The following NEO1 variants were observed in gnomAD, a reference collection of about 807,000 sequenced individuals.
The protein encoded by NEO1 is neogenin.
Under a neutral mutation model 159.7 loss-of-function variants are expected in NEO1, and 63 were observed. The ratio of observed to expected loss-of-function variants is 0.39; its 90% CI spans 0.32 to 0.49. NEO1 has a LOEUF of 0.49. Ranked by LOEUF, NEO1 falls within the 20% of genes least tolerant of loss-of-function variation. The probability of loss-of-function intolerance (pLI) is 0.85; values close to 1 mark genes in which losing one functional copy is unlikely to be tolerated. For missense variants in NEO1, 1,615 were observed against 1,831.0 expected (o/e 0.88, Z 2.15); for synonymous variants, 633 against 662.0 (o/e 0.96, Z 0.67).
intron 5 of NEO1, among the ~76,000 whole-genome samples, chr15:73,166,205 C>G (rs2034559776): frequency 6.6e-6 from 1 of 152,154 alleles, no homozygotes; most frequent in African/African-American, 2.4e-5. Context: ...CAGAAAATAG[C>G]AAGTGTTGGT....
chr15:73,163,379 C>G (rs2034328449), intron 5 of NEO1, among the ~76,000 whole-genome samples: 1 of 152,146 alleles, frequency 6.6e-6, no homozygotes, highest in Non-Finnish European at 1.5e-5. Flanking sequence ...TGCCCCTTCC[C>G]CATTCCCACC....
chr15:73,178,574 T>G (rs1158905793), intron 7 of NEO1, 147 bp downstream of exon 7: 1 of 860,298 alleles, frequency 1.2e-6, no homozygotes, highest in Non-Finnish European at 1.6e-6. Context: ...GTCTAAATCA[T>G]TTCTATTACA....
At chr15:73,129,933 G>A (rs557253130) in intron 4 of NEO1, among the ~76,000 whole-genome samples, 1 of 152,308 alleles carries the variant, frequency 6.6e-6, no homozygotes, top group South Asian at 2.1e-4. Context: ...GAAAGGTAGA[G>A]AGAGAAAGAC....
At chr15:73,144,445 C>G (rs1465254842) in intron 5 of NEO1, among the ~76,000 whole-genome samples, 2 of 152,092 alleles carry the variant, frequency 1.3e-5, no homozygotes. Flanking sequence ...GTCTTTAATC[C>G]CAACTCCATG....
intron 4 of NEO1, among the ~76,000 whole-genome samples, chr15:73,131,061 C>A (rs1249839529): frequency 2.6e-5 from 4 of 152,216 alleles, no homozygotes; most frequent in East Asian, 1.9e-4. Context: ...CAGCACCCCC[C>A]CACACACACC....
At chr15:73,273,720 T>C in intron 19 of NEO1, 91 bp from the exon 20 acceptor site, 1 of 871,292 alleles carries the variant, frequency 1.1e-6, no homozygotes, top group East Asian at 2.6e-5. Context: ...TGCTATAATA[T>C]TCATATGATA....
chr15:73,209,341 T>C (rs2152081763), intron 7 of NEO1, among the ~76,000 whole-genome samples: 1 of 152,346 alleles, frequency 6.6e-6, no homozygotes, highest in East Asian at 1.9e-4. Flanking sequence ...TATGCAGCTC[T>C]TCTCACATTT....
chr15:73,144,672 C>G (rs758813986), intron 5 of NEO1, among the ~76,000 whole-genome samples: 1 of 152,158 alleles, frequency 6.6e-6, no homozygotes, highest in Non-Finnish European at 1.5e-5. Context: ...TGCCCAGATT[C>G]CCAGACCAGA....
chr15:73,189,712 T>C (rs2036136423), intron 7 of NEO1, among the ~76,000 whole-genome samples: 1 of 152,210 alleles, frequency 6.6e-6, no homozygotes, highest in Non-Finnish European at 1.5e-5. Flanking sequence ...AGTAGGCCTG[T>C]GGTATACTTA....
At chr15:73,212,735 A>G (rs1333701770) in intron 7 of NEO1, among the ~76,000 whole-genome samples, 1 of 151,646 alleles carries the variant, frequency 6.6e-6, no homozygotes, top group Non-Finnish European at 1.5e-5. Context: ...TAGTAGCAAA[A>G]AAAAAGTAAT....
At chr15:73,072,892 A>C (rs1406048134) in intron 1 of NEO1, among the ~76,000 whole-genome samples, 1 of 152,186 alleles carries the variant, frequency 6.6e-6, no homozygotes, top group East Asian at 1.9e-4. Flanking sequence ...GGTGAGGGAG[A>C]GGGACATGTC....
intron 1 of NEO1, among the ~76,000 whole-genome samples, chr15:73,062,076 T>G (rs2068007109): frequency 6.6e-6 from 1 of 152,212 alleles, no homozygotes; most frequent in African/African-American, 2.4e-5. Flanking sequence ...AGAGGGCATG[T>G]GTAGTCACAT....
chr15:73,211,644 G>T (rs1313125215), intron 7 of NEO1, among the ~76,000 whole-genome samples: 1 of 152,156 alleles, frequency 6.6e-6, no homozygotes, highest in African/African-American at 2.4e-5. Flanking sequence ...GAACCAGGGA[G>T]TCAGAGGTTG....
chr15:73,151,704 C>G (rs1039819834), intron 5 of NEO1, among the ~76,000 whole-genome samples: 2 of 152,152 alleles, frequency 1.3e-5, no homozygotes, highest in Non-Finnish European at 2.9e-5. Flanking sequence ...AGTAACCACC[C>G]CCATGATTCA....
intron 7 of NEO1, among the ~76,000 whole-genome samples, chr15:73,179,300 G>T (rs966645212): frequency 1.3e-5 from 2 of 152,182 alleles, no homozygotes; most frequent in Admixed American, 1.3e-4. Flanking sequence ...GAGCCCTCAG[G>T]AAGAGGCCCC....
intron 4 of NEO1, among the ~76,000 whole-genome samples, chr15:73,131,873 A>C (rs2031180040): frequency 6.6e-6 from 1 of 152,196 alleles, no homozygotes; most frequent in Non-Finnish European, 1.5e-5. Context: ...TTAGATCCCC[A>C]AACCACTGTG....
At chr15:73,111,035 A>C (rs567186888) in intron 1 of NEO1, among the ~76,000 whole-genome samples, 1 of 152,186 alleles carries the variant, frequency 6.6e-6, no homozygotes, top group Non-Finnish European at 1.5e-5. Context: ...ATATATATAC[A>C]TATATAAAAG....
At chr15:73,275,847 T>C (rs937994904) in intron 21 of NEO1, among the ~76,000 whole-genome samples, 1 of 152,178 alleles carries the variant, frequency 6.6e-6, no homozygotes, top group African/African-American at 2.4e-5. Flanking sequence ...TTTTCCATAC[T>C]GAGAATGAAC....
chr15:73,111,455 A>G (rs1156538591), intron 1 of NEO1, among the ~76,000 whole-genome samples: 4 of 152,206 alleles, frequency 2.6e-5, no homozygotes, highest in Admixed American at 6.5e-5. Context: ...AGACAATACC[A>G]AAGGTGAAAG....
Sources: allele counts gnomAD v4.1 joint callset (sites outside exome capture counted in the v4.1 genomes callset), GRCh38; gene constraint gnomAD v4.1.1; transcripts MANE v1.5; gene names NCBI Gene and HGNC (gene_info 2026-07-23, HGNC 2026-07-21).